Variants in PXDNL observed in about 807,000 individuals in gnomAD.
PXDNL encodes the protein probable oxidoreductase PXDNL.
A neutral mutation model predicts 150.8 loss-of-function variants in PXDNL; 145 were observed. That is an observed-to-expected ratio of 0.96 (90% CI 0.84 to 1.10). The LOEUF (loss-of-function observed/expected upper bound fraction) is 1.10. PXDNL is among the 50% of genes least tolerant of loss of function. PXDNL has a pLI of 0.00. For synonymous variants in PXDNL, 757 were observed against 725.7 expected (o/e 1.04, Z -0.69); for missense variants, 2,087 against 1,873.9 (o/e 1.11, Z -2.10).
At chr8:51,491,535 G>A (rs968784359) in intron 5 of PXDNL, among the ~76,000 whole-genome samples, 1 of 152,152 alleles carries the variant, frequency 6.6e-6, no homozygotes, top group African/African-American at 2.4e-5. Flanking sequence ...TCCATTCCCT[G>A]CCTTCCAAGC....
intron 1 of PXDNL, among the ~76,000 whole-genome samples, chr8:51,787,704 C>A (rs955644925): frequency 6.6e-6 from 1 of 152,168 alleles, no homozygotes; most frequent in Non-Finnish European, 1.5e-5. Flanking sequence ...AAAATGACAA[C>A]AAAGCATTTA....
intron 3 of PXDNL, among the ~76,000 whole-genome samples, chr8:51,585,858 C>T (rs1379859191): frequency 2.6e-5 from 4 of 151,878 alleles, no homozygotes; most frequent in Admixed American, 2.6e-4. Flanking sequence ...AACCTGCCAC[C>T]CACCCCTTGT....
At chr8:51,711,121 A>C (rs1220744844) in intron 1 of PXDNL, among the ~76,000 whole-genome samples, 1 of 144,374 alleles carries the variant, frequency 6.9e-6, no homozygotes, top group East Asian at 1.9e-4. Context: ...GAAAACTAGC[A>C]ATTAAAACTT....
intron 8 of PXDNL, among the ~76,000 whole-genome samples, chr8:51,464,162 G>C (rs565323814): frequency 6.6e-6 from 1 of 152,200 alleles, no homozygotes; most frequent in African/African-American, 2.4e-5. Flanking sequence ...CCAGGAGTTT[G>C]AGACCAGCCT....
rs538864122 is a variant in PXDNL at position 51,728,266 on chromosome 8, C to T, written c.165-73506G>A. 2.0e-5 allele frequency among the ~76,000 whole-genome samples: 3 copies of T among 152,304 alleles called. No homozygotes were observed. The East Asian group carries it at 5.8e-4, about 29-fold the overall frequency. On this transcript the variant is annotated intron_variant, in intron 1 of 22. Transcript: ENST00000356297. The stretch of plus-strand genomic sequence containing the variant: ...ATACAGTTATGTATAGTATATAATA[C>T]TTGATAATGATAATAAATGACTATG...
intron 1 of PXDNL, 66 bp downstream of exon 1, chr8:51,809,115 A>G: frequency 6.5e-7 from 1 of 1,529,216 alleles, no homozygotes; most frequent in Non-Finnish European, 9.0e-7. Flanking sequence ...AAAAGGACAC[A>G]GGTCCTAGCA....
At chr8:51,494,609 C>G (rs7465120) in intron 5 of PXDNL, among the ~76,000 whole-genome samples, 1 of 151,534 alleles carries the variant, frequency 6.6e-6, no homozygotes, top group African/African-American at 2.4e-5. Flanking sequence ...TAGAAAACAA[C>G]AAAAGGCAGG....
intron 1 of PXDNL, among the ~76,000 whole-genome samples, chr8:51,710,576 G>C (rs974200005): frequency 6.6e-6 from 1 of 152,058 alleles, no homozygotes; most frequent in Non-Finnish European, 1.5e-5. Context: ...TGTATCCTTT[G>C]ACCAATCTCT....
chr8:51,654,607 A>G (rs1024947394), intron 2 of PXDNL, 82 bp downstream of exon 2: 16 of 1,032,634 alleles, frequency 1.5e-5, no homozygotes, highest in Non-Finnish European at 2.4e-5. Flanking sequence ...TGTTCTTGAC[A>G]CTCAGAATGA....
intron 4 of PXDNL, among the ~76,000 whole-genome samples, chr8:51,531,510 G>A (rs964613164): frequency 6.6e-6 from 1 of 152,160 alleles, no homozygotes; most frequent in Non-Finnish European, 1.5e-5. Flanking sequence ...CTCAGCTGCT[G>A]GCCTGAATGA....
intron 20 of PXDNL, chr8:51,340,249 A>G (rs1805948778): frequency 6.6e-6 from 1 of 152,230 alleles, no homozygotes; most frequent in African/African-American, 2.4e-5. Context: ...ACCTGATGCA[A>G]AATAGCTCAG....
At chr8:51,357,287 G>A (rs1806538997) in intron 19 of PXDNL, among the ~76,000 whole-genome samples, 1 of 152,108 alleles carries the variant, frequency 6.6e-6, no homozygotes, top group Non-Finnish European at 1.5e-5. Flanking sequence ...ATCTACCTGA[G>A]GCAAGAGTAC....
At chr8:51,770,260 T>C (rs967388666) in intron 1 of PXDNL, among the ~76,000 whole-genome samples, 14 of 152,178 alleles carry the variant, frequency 9.2e-5, no homozygotes, top group Admixed American at 2.0e-4. Context: ...TGGCTTACTG[T>C]GCAACAGGCA....
At chr8:51,679,053 A>G (rs535065617) in intron 1 of PXDNL, among the ~76,000 whole-genome samples, 4 of 152,232 alleles carry the variant, frequency 2.6e-5, no homozygotes, top group Non-Finnish European at 5.9e-5. Flanking sequence ...GAAAAAACAT[A>G]TAAGCAAATA....
rs775095055 is a variant in PXDNL at position 51,409,377 on chromosome 8, G to C, written c.2247C>G (p.Phe749Leu). ...QPTWGAALTAFARLLQPAYRD... is the reference protein window; with the variant it reads ...QPTWGAALTALARLLQPAYRD... ...GGTAGGCTGGCTGCAGCAGGCGCGC[G>C]AAGGCGGTCAGCGCCGCGCCCCACG... Residue 749 changes from phenylalanine (F) to leucine (L), a missense_variant, in exon 17 of 23, where the codon TTC (phenylalanine) becomes TTG (leucine). By Grantham distance (22) the Phe-to-Leu change is conservative. Coordinates refer to ENST00000356297, the MANE Select transcript of PXDNL (RefSeq NM_144651.5). 9.5e-6 allele frequency: 15 copies of C among 1,580,950 alleles called. No individual in the cohort carries two copies. Among genetic ancestry groups the C allele is most frequent in the Middle Eastern group, 1.7e-4 (1 of 5,988 alleles).
chr8:51,786,497 T>C (rs2129252667), intron 1 of PXDNL, among the ~76,000 whole-genome samples: 1 of 152,290 alleles, frequency 6.6e-6, no homozygotes, highest in Middle Eastern at 3.4e-3. Context: ...CTTGAATCAC[T>C]GATGACAACC....
rs62506948 is a variant in PXDNL at position 51,524,695 on chromosome 8, G to A, written c.381-24925C>T. Reference sequence around the variant, plus strand: ...TAATTTTTTACTTATCTTTCAAAAGGTATCTTTTGAACAGTTTGAATGTGT... The same window carrying A: ...TAATTTTTTACTTATCTTTCAAAAGATATCTTTTGAACAGTTTGAATGTGT... On this transcript the variant is annotated intron_variant, in intron 4 of 22. Coordinates refer to ENST00000356297, the MANE Select transcript of PXDNL (RefSeq NM_144651.5). Among the ~76,000 whole-genome samples the A allele has an allele frequency of 4.5e-4, 69 of 152,126 alleles. 1 individual carries two copies. The highest frequency in any genetic ancestry group is 3.4e-3 in the Middle Eastern group (1 of 294).
At chr8:51,569,575 G>T (rs1812889157) in intron 3 of PXDNL, among the ~76,000 whole-genome samples, 1 of 151,842 alleles carries the variant, frequency 6.6e-6, no homozygotes. Flanking sequence ...AAAGGATTAG[G>T]AATTTCTTCC....
intron 1 of PXDNL, among the ~76,000 whole-genome samples, chr8:51,687,641 G>T (rs1435153277): frequency 1.3e-5 from 2 of 152,228 alleles, no homozygotes; most frequent in Non-Finnish European, 2.9e-5. Flanking sequence ...CTGTGTGGCA[G>T]GCCAAGTGTA....
Sources: allele counts gnomAD v4.1 joint callset (sites outside exome capture counted in the v4.1 genomes callset), GRCh38; gene constraint gnomAD v4.1.1; transcripts MANE v1.5; gene names NCBI Gene and HGNC (gene_info 2026-07-23, HGNC 2026-07-21).